Variants in TAFA2 observed in about 807,000 individuals in gnomAD.
TAFA2 encodes the protein chemokine-like protein TAFA-2.
A neutral mutation model predicts 18.8 loss-of-function variants in TAFA2; 7 were observed. The ratio of observed to expected loss-of-function variants is 0.37; its 90% CI spans 0.21 to 0.70. The LOEUF is 0.70. Ranked by LOEUF, TAFA2 falls within the 30% of genes least tolerant of loss-of-function variation. The pLI, the probability that TAFA2 is intolerant of heterozygous loss-of-function variation, is 0.53. For missense variants in TAFA2, 122 were observed against 158.1 expected (o/e 0.77, Z 1.23); for synonymous variants, 60 against 54.2 (o/e 1.11, Z -0.47).
chr12:62,172,126 T>C (rs1057368121), intron 1 of TAFA2, among the ~76,000 whole-genome samples: 6 of 152,202 alleles, frequency 3.9e-5, no homozygotes, highest in African/African-American at 1.4e-4. Flanking sequence ...AGTTTAAAAA[T>C]GATTCTTTTA....
At chr12:62,121,244 T>C (rs1052856594) in intron 1 of TAFA2, among the ~76,000 whole-genome samples, 4 of 152,108 alleles carry the variant, frequency 2.6e-5, no homozygotes, top group African/African-American at 9.7e-5. Context: ...TATACACCAA[T>C]ATGAGGAAGT....
Position 61,743,979 on chromosome 12 carries a change from GA to G in TAFA2, c.384+9642del, listed in dbSNP as rs573308101. On this transcript the variant is annotated intron_variant, in intron 4 of 4. Coordinates refer to ENST00000416284, the MANE Select transcript of TAFA2 (RefSeq NM_178539.5). ...TACCTTTCTATTCCCCAAGTCCTAC[GA>G]GGTGCCATTTTTCTTTTATTAAGCC... 7.7e-4 allele frequency among the ~76,000 whole-genome samples: 117 copies of G among 152,116 alleles called. 2 individuals carry two copies. Among genetic ancestry groups the G allele is most frequent in the African/African-American group, 2.8e-3 (115 of 41,538 alleles).
chr12:61,984,003 C>T (rs924143622), intron 1 of TAFA2, among the ~76,000 whole-genome samples: 6 of 152,102 alleles, frequency 3.9e-5, no homozygotes, highest in African/African-American at 1.4e-4. Context: ...GTAAAGAGAG[C>T]TCTCTCCTAC....
At chr12:61,953,821 A>G (rs1404714120) in intron 1 of TAFA2, among the ~76,000 whole-genome samples, 1 of 152,194 alleles carries the variant, frequency 6.6e-6, no homozygotes, top group Non-Finnish European at 1.5e-5. Flanking sequence ...GCAAAGTGTG[A>G]CAAGATCAGA....
At chr12:61,887,070 C>T (rs1399612601) in intron 1 of TAFA2, among the ~76,000 whole-genome samples, 3 of 152,186 alleles carry the variant, frequency 2.0e-5, no homozygotes, top group Admixed American at 6.5e-5. Context: ...AATAAATGCT[C>T]AACTAATAGA....
intron 1 of TAFA2, among the ~76,000 whole-genome samples, chr12:61,939,947 A>G (rs989640803): frequency 3.3e-5 from 5 of 152,220 alleles, no homozygotes; most frequent in African/African-American, 1.2e-4. Flanking sequence ...AAACATGACA[A>G]TAGATTTAAC....
At chr12:61,749,820 G>T (rs1457819696) in intron 4 of TAFA2, among the ~76,000 whole-genome samples, 1 of 152,024 alleles carries the variant, frequency 6.6e-6, no homozygotes, top group Non-Finnish European at 1.5e-5. Context: ...ACGAAGTTAG[G>T]TAAGAGACCA....
intron 1 of TAFA2, among the ~76,000 whole-genome samples, chr12:62,091,994 T>C (rs1031773206): frequency 1.3e-5 from 2 of 152,010 alleles, no homozygotes; most frequent in African/African-American, 4.8e-5. Flanking sequence ...CATTTGAACA[T>C]TTAAAATTAT....
chr12:61,728,980 A>T (rs1266547429), intron 4 of TAFA2, among the ~76,000 whole-genome samples: 1 of 151,950 alleles, frequency 6.6e-6, no homozygotes, highest in Non-Finnish European at 1.5e-5. Flanking sequence ...AAAATGCTTT[A>T]TCTTTCCTTC....
intron 2 of TAFA2, among the ~76,000 whole-genome samples, chr12:61,796,751 G>A (rs1415202311): frequency 6.6e-6 from 1 of 152,092 alleles, no homozygotes; most frequent in Non-Finnish European, 1.5e-5. Context: ...TTGTCTTTGT[G>A]CTTAATAGAT....
intron 1 of TAFA2, among the ~76,000 whole-genome samples, chr12:62,029,580 T>C (rs554491506): frequency 6.6e-6 from 1 of 151,662 alleles, no homozygotes; most frequent in Non-Finnish European, 1.5e-5. Context: ...TGGCAGAACA[T>C]GCCATAATGA....
At chr12:62,204,281 A>G (rs192141932) in intron 1 of TAFA2, among the ~76,000 whole-genome samples, 1 of 151,830 alleles carries the variant, frequency 6.6e-6, no homozygotes, top group Admixed American at 6.6e-5. Flanking sequence ...TTTTTCCTTC[A>G]TTTCGACCTT....
intron 1 of TAFA2, among the ~76,000 whole-genome samples, chr12:62,049,224 C>T (rs993343714): frequency 2.6e-5 from 4 of 152,124 alleles, no homozygotes; most frequent in Non-Finnish European, 5.9e-5. Flanking sequence ...CTCCATGGCA[C>T]TCCTCTAAAT....
At chr12:61,909,979 C>A (rs907437748) in intron 1 of TAFA2, among the ~76,000 whole-genome samples, 1 of 152,048 alleles carries the variant, frequency 6.6e-6, no homozygotes, top group African/African-American at 2.4e-5. Context: ...GACAAAAATA[C>A]GTAAGACAAA....
intron 2 of TAFA2, among the ~76,000 whole-genome samples, chr12:61,837,306 C>T (rs561921542): frequency 5.3e-5 from 8 of 151,920 alleles, no homozygotes; most frequent in African/African-American, 1.7e-4. Context: ...ATGTGGTGCA[C>T]CTTTGTTATT....
intron 1 of TAFA2, among the ~76,000 whole-genome samples, chr12:61,923,601 C>A (rs1256639498): frequency 6.6e-6 from 1 of 152,016 alleles, no homozygotes; most frequent in East Asian, 1.9e-4. Context: ...CATCAAAGAC[C>A]AAAGGTAGAT....
intron 1 of TAFA2, among the ~76,000 whole-genome samples, chr12:62,057,720 A>G (rs78069377): frequency 0.014 from 2,153 of 152,304 alleles, 50 homozygotes; most frequent in African/African-American, 0.049. Context: ...TTCAAAAAAG[A>G]TAGGAATTTA....
upstream of TAFA2, among the ~76,000 whole-genome samples, chr12:62,196,844 C>A (rs559711090): frequency 3.3e-5 from 5 of 152,150 alleles, no homozygotes; most frequent in Non-Finnish European, 7.4e-5. Context: ...AGGGTTACCA[C>A]AAACCTTAAA....
At chr12:61,719,265 G>A (rs892856966) in intron 4 of TAFA2, among the ~76,000 whole-genome samples, 1 of 152,312 alleles carries the variant, frequency 6.6e-6, no homozygotes, top group South Asian at 2.1e-4. Context: ...CACCAGGGTA[G>A]GAGGATAGAG....
Sources: gnomAD v4.1 joint callset for allele counts (sites outside exome capture counted in the v4.1 genomes callset) on GRCh38, gnomAD v4.1.1 for gene constraint, MANE v1.5 for transcripts, NCBI Gene and HGNC (gene_info 2026-07-23, HGNC 2026-07-21) for gene names.